The following PRKN variants were observed in gnomAD, a reference collection of about 807,000 sequenced individuals.
PRKN encodes E3 ubiquitin-protein ligase parkin.
In PRKN, 56 loss-of-function variants were observed where a neutral mutation model predicts 59.5. The observed-to-expected ratio is 0.94, with a 90% CI of 0.76 to 1.18. The LOEUF (loss-of-function observed/expected upper bound fraction) is 1.18. Ranked by LOEUF, PRKN falls within the 50% of genes most tolerant of loss-of-function variation. PRKN has a pLI of 0.00. For synonymous variants in PRKN, 250 were observed against 222.1 expected (o/e 1.13, Z -1.12); for missense variants, 657 against 596.4 (o/e 1.10, Z -1.06).
In PRKN at chr6:161,468,730, T is replaced by A. The variant is rs1790611087; in HGVS notation, c.1083+80124A>T. On this transcript the variant is annotated intron_variant, in intron 9 of 11. Transcript: ENST00000366898. This position sits in a 1 kb window ranked among gnomAD's most constrained non-coding sequence, Gnocchi z 5.9. The stretch of plus-strand genomic sequence containing the variant: ...ATGCAGCTGCCGGGAGGATCCAGCC[T>A]CAGAGGACTTGGGTATGTTCTTCTC... Among the ~76,000 whole-genome samples the A allele has an allele frequency of 6.6e-6, 1 of 152,174 alleles. No individual in the cohort carries two copies. Among genetic ancestry groups the A allele is most frequent in the Non-Finnish European group, 1.5e-5 (1 of 68,036 alleles).
intron 1 of PRKN, among the ~76,000 whole-genome samples, chr6:162,557,634 G>A (rs1030557697): frequency 2.0e-5 from 3 of 152,050 alleles, no homozygotes; most frequent in Non-Finnish European, 4.4e-5. Context: ...TCAGCCTCCC[G>A]AGTAGCTGGG....
rs71004099 is a variant in PRKN, at chr6:162,533,988, A to AAAAAAAAAAAAAAAG, written c.8-90516_8-90515insCTTTTTTTTTTTTTT. On this transcript the variant is annotated intron_variant, in intron 1 of 11. Coordinates refer to ENST00000366898, the MANE Select transcript of PRKN (RefSeq NM_004562.3). ...TCCATCTCAAAAAAAAAAAAAAAAA[A>AAAAAAAAAAAAAAAG]GAGATATGAAGGAGGATTAATAAGA... Among the ~76,000 whole-genome samples, 2 of 143,678 alleles carry AAAAAAAAAAAAAAAG rather than the reference A, an allele frequency of 1.4e-5. 1 individual carries two copies. The allele number at this position is 143,678 out of a possible 152,430, so 94.3% of individuals were successfully genotyped here. A position where few individuals can be genotyped will look rare whatever the true frequency, so the allele number is the denominator to read the frequency against.
intron 2 of PRKN, among the ~76,000 whole-genome samples, chr6:162,283,820 T>C (rs1027263887): frequency 2.0e-5 from 3 of 152,102 alleles, no homozygotes; most frequent in Non-Finnish European, 2.9e-5. Flanking sequence ...TGTTACTGTA[T>C]TAAAAGTATT....
intron 2 of PRKN, among the ~76,000 whole-genome samples, chr6:162,427,838 CG>C (rs1562757247): frequency 6.6e-6 from 1 of 151,540 alleles, no homozygotes; most frequent in Non-Finnish European, 1.5e-5. Flanking sequence ...TTAGTTGAGA[CG>C]GGGTAATAAA....
intron 6 of PRKN, among the ~76,000 whole-genome samples, chr6:161,869,145 G>A (rs1794239804): frequency 6.6e-6 from 1 of 152,148 alleles, no homozygotes; most frequent in African/African-American, 2.4e-5. Context: ...TTGGGAGGCC[G>A]AGGCGGGTGG....
chr6:161,741,933 T>C (rs1788204174), intron 7 of PRKN, among the ~76,000 whole-genome samples: 1 of 146,766 alleles, frequency 6.8e-6, no homozygotes, highest in Non-Finnish European at 1.5e-5. Context: ...TCTCATGAGA[T>C]CTGATGGGAT....
At chr6:162,697,365 A>C (rs566106072) in intron 1 of PRKN, among the ~76,000 whole-genome samples, 1 of 152,318 alleles carries the variant, frequency 6.6e-6, no homozygotes, top group South Asian at 2.1e-4. Flanking sequence ...TAGGTCAAAA[A>C]AATGCTGAAA....
At chr6:162,471,612 T>A (rs1309512950) in intron 1 of PRKN, among the ~76,000 whole-genome samples, 1 of 152,222 alleles carries the variant, frequency 6.6e-6, no homozygotes, top group Non-Finnish European at 1.5e-5. Flanking sequence ...CTATTAGATA[T>A]GTTTTCTGAG....
At chr6:162,558,838 T>C (rs1270036021) in intron 1 of PRKN, among the ~76,000 whole-genome samples, 1 of 151,474 alleles carries the variant, frequency 6.6e-6, no homozygotes, top group African/African-American at 2.4e-5. Flanking sequence ...GATGGAGTTT[T>C]GCCATGTTGC....
At chr6:162,330,649 G>A (rs1265046013) in intron 2 of PRKN, among the ~76,000 whole-genome samples, 3 of 152,204 alleles carry the variant, frequency 2.0e-5, no homozygotes, top group African/African-American at 7.2e-5. Flanking sequence ...TAAACAGGTA[G>A]TGCTTTCACA....
intron 4 of PRKN, among the ~76,000 whole-genome samples, chr6:162,124,556 G>A (rs188277701): frequency 2.6e-5 from 4 of 152,252 alleles, no homozygotes; most frequent in East Asian, 1.9e-4. Context: ...AAAGATAACC[G>A]CAGGCTCTGT....
At chr6:162,010,637 T>A (rs1274370791) in intron 5 of PRKN, among the ~76,000 whole-genome samples, 1 of 4,980 alleles carries the variant, frequency 2.0e-4, no homozygotes, top group Non-Finnish European at 2.4e-4. Flanking sequence ...TATAATATAT[T>A]ATATAATATA....
chr6:162,318,292 C>T lies in PRKN; in HGVS notation c.172-55527G>A, dbSNP rs146581031. Among the ~76,000 whole-genome samples the T allele has an allele frequency of 2.4e-3, 369 of 152,158 alleles. 2 individuals are homozygous for T. Among genetic ancestry groups the T allele is most frequent in the Non-Finnish European group, 3.6e-3 (243 of 67,996 alleles). ...AATATCAGAATATGAAAAATGCCTA[C>T]AGCAGCAAAAAGTAAGCCAAATAGA... On this transcript the variant is annotated intron_variant, in intron 2 of 11. Transcript: ENST00000366898.
At chr6:161,514,580 G>A (rs1013290284) in intron 9 of PRKN, among the ~76,000 whole-genome samples, 11 of 152,114 alleles carry the variant, frequency 7.2e-5, no homozygotes, top group African/African-American at 9.7e-5. Context: ...AAGGATCTGC[G>A]TCTGTGACTC....
At chr6:161,759,620 A>G (rs530405070) in intron 7 of PRKN, among the ~76,000 whole-genome samples, 19 of 152,296 alleles carry the variant, frequency 1.2e-4, no homozygotes, top group African/African-American at 4.6e-4. Flanking sequence ...ATATACTGTC[A>G]ATGTCACTAA....
intron 7 of PRKN, among the ~76,000 whole-genome samples, chr6:161,683,874 G>A (rs1427967549): frequency 1.3e-5 from 2 of 152,100 alleles, no homozygotes; most frequent in Non-Finnish European, 2.9e-5. Context: ...CAGCTGCCAT[G>A]ATTTAAATGA....
intron 2 of PRKN, among the ~76,000 whole-genome samples, chr6:162,401,969 G>C (rs1480794392): frequency 6.6e-6 from 1 of 152,108 alleles, no homozygotes; most frequent in African/African-American, 2.4e-5. Flanking sequence ...CCACAGTGTT[G>C]CCGGGTGAAG....
At chr6:162,291,298 G>A (rs1461422861) in intron 2 of PRKN, among the ~76,000 whole-genome samples, 1 of 151,270 alleles carries the variant, frequency 6.6e-6, no homozygotes, top group Admixed American at 6.6e-5. Flanking sequence ...GCCAGGCCTC[G>A]TACCAGTCTA....
At chr6:161,631,447 CAA>C (rs1472456641) in intron 7 of PRKN, among the ~76,000 whole-genome samples, 3 of 152,126 alleles carry the variant, frequency 2.0e-5, no homozygotes, top group Non-Finnish European at 4.4e-5. Flanking sequence ...GTGTTTTATG[CAA>C]AGTGTCAAGT....
Sources: allele counts gnomAD v4.1 joint callset (sites outside exome capture counted in the v4.1 genomes callset), GRCh38; gene constraint gnomAD v4.1.1; non-coding constraint Gnocchi (gnomAD v3.1); transcripts MANE v1.5; gene names NCBI Gene and HGNC (gene_info 2026-07-23, HGNC 2026-07-21).